Variants in UBE2D2 observed in about 807,000 individuals in gnomAD.
UBE2D2 encodes the protein ubiquitin-conjugating enzyme E2 D2.
UBE2D2 carries 2 observed loss-of-function variants against 24.2 expected under a neutral mutation model. That is an observed-to-expected ratio of 0.08 (90% CI 0.03 to 0.26). The LOEUF (loss-of-function observed/expected upper bound fraction) is 0.26, where lower values mean the gene tolerates loss of function less well. Ranked by LOEUF, UBE2D2 falls within the 10% of genes least tolerant of loss-of-function variation. The pLI is 1.00. For missense variants in UBE2D2, 44 were observed against 177.6 expected (o/e 0.25, Z 4.28); for synonymous variants, 58 against 56.5 (o/e 1.03, Z -0.12).
chr5:139,562,090 A>G, intron 1 of UBE2D2: 2 of 928,470 alleles, frequency 2.2e-6, no homozygotes, highest in Middle Eastern at 3.4e-4. Flanking sequence ...GCTTCTCTCC[A>G]GTCTGGGACT....
chr5:139,527,956 G>A (rs1055179393), intron 1 of UBE2D2, among the ~76,000 whole-genome samples: 6 of 152,180 alleles, frequency 3.9e-5, no homozygotes, highest in African/African-American at 1.4e-4. Flanking sequence ...TCCTCTAGTC[G>A]ACCAGGCGTG....
At chr5:139,611,175 C>CTTTTTTTTTTTTTT (rs60626896) in intron 2 of UBE2D2, among the ~76,000 whole-genome samples, 3 of 58,756 alleles carry the variant, frequency 5.1e-5, no homozygotes, top group African/African-American at 2.0e-4. Flanking sequence ...AGTTTTCCTT[C>CTTTTTTTTTTTTTT]TTTTTTTTTT....
intron 1 of UBE2D2, among the ~76,000 whole-genome samples, chr5:139,571,664 C>A (rs910564151): frequency 6.6e-6 from 1 of 152,080 alleles, no homozygotes; most frequent in Admixed American, 6.6e-5. Context: ...AGCCCTTCTC[C>A]CCTCTAATCT....
At chr5:139,533,492 A>G (rs1249832307) in intron 1 of UBE2D2, among the ~76,000 whole-genome samples, 1 of 151,904 alleles carries the variant, frequency 6.6e-6, no homozygotes, top group Admixed American at 6.6e-5. Flanking sequence ...TCTACTAAAA[A>G]TACAAAAATT....
At chr5:139,583,995 GTT>G (rs1561510916) in intron 1 of UBE2D2, among the ~76,000 whole-genome samples, 1 of 152,032 alleles carries the variant, frequency 6.6e-6, no homozygotes, top group African/African-American at 2.4e-5. Flanking sequence ...AAAATAATAA[GTT>G]TATTATAGCC....
chr5:139,538,899 G>T (rs1482938820), intron 1 of UBE2D2, among the ~76,000 whole-genome samples: 2 of 151,374 alleles, frequency 1.3e-5, no homozygotes, highest in African/African-American at 4.8e-5. Flanking sequence ...TTCATTATAT[G>T]TATATTACTA....
chr5:139,534,577 A>AT (rs1053884899), intron 1 of UBE2D2, among the ~76,000 whole-genome samples: 13 of 151,464 alleles, frequency 8.6e-5, no homozygotes, highest in Non-Finnish European at 1.5e-5. Context: ...GGAAAAAAAA[A>AT]AAAAAAAAAT....
chr5:139,551,812 A>C (rs930642006), intron 1 of UBE2D2, among the ~76,000 whole-genome samples: 1 of 152,214 alleles, frequency 6.6e-6, no homozygotes, highest in African/African-American at 2.4e-5. Context: ...ACTTCCAAAA[A>C]AGTTGTGACT....
At chr5:139,550,176 C>T (rs187880541) in intron 1 of UBE2D2, among the ~76,000 whole-genome samples, 1 of 152,124 alleles carries the variant, frequency 6.6e-6, no homozygotes, top group Admixed American at 6.5e-5. Context: ...TGTAAACACA[C>T]CAGTCAGCAG....
rs1377000841 is a variant in UBE2D2, at chr5:139,584,518, TTTTTC to T, written c.25-15839_25-15835del. 5.4e-4 allele frequency among the ~76,000 whole-genome samples: 77 copies of T among 143,912 alleles called. No individual in the cohort carries two copies. The East Asian group carries it at 1.0e-2, about 19-fold the overall frequency. The allele number at this position is 143,912 out of a possible 152,430, so 94.4% of individuals were successfully genotyped here. A position where few individuals can be genotyped will look rare whatever the true frequency, so the allele number is the denominator to read the frequency against. On this transcript the variant is annotated intron_variant, in intron 1 of 6. Transcript: ENST00000398733. The stretch of plus-strand genomic sequence containing the variant: ...CATTTACCCCAAAACACCTTTTTCT[TTTTTC>T]TTTTCTTTTCTTTTTTTTTTTTTTT...
chr5:139,596,847 C>T (rs1317930292), intron 1 of UBE2D2, among the ~76,000 whole-genome samples: 2 of 151,838 alleles, frequency 1.3e-5, no homozygotes, highest in African/African-American at 4.8e-5. Context: ...GAGATCGAGA[C>T]CATCCTGCTA....
At chr5:139,574,471 A>G (rs1320748962) in intron 1 of UBE2D2, among the ~76,000 whole-genome samples, 1 of 151,750 alleles carries the variant, frequency 6.6e-6, no homozygotes, top group African/African-American at 2.4e-5. Flanking sequence ...TTCTCACCCC[A>G]TCCCCTACCT....
intron 2 of UBE2D2, among the ~76,000 whole-genome samples, chr5:139,608,358 G>C (rs954821541): frequency 1.3e-5 from 2 of 152,092 alleles, no homozygotes; most frequent in Non-Finnish European, 2.9e-5. Flanking sequence ...GCTTGAACCT[G>C]GGAGGCAGAG....
At chr5:139,604,996 G>C (rs1325318023) in intron 2 of UBE2D2, among the ~76,000 whole-genome samples, 1 of 152,074 alleles carries the variant, frequency 6.6e-6, no homozygotes. Context: ...TTGTTATAAG[G>C]AGTCAGAATT....
intron 1 of UBE2D2, among the ~76,000 whole-genome samples, chr5:139,577,014 A>G (rs1376547432): frequency 6.8e-6 from 1 of 147,250 alleles, no homozygotes; most frequent in Non-Finnish European, 1.5e-5. Flanking sequence ...GAATTTTGCA[A>G]ATAGAGAGCC....
upstream of UBE2D2, among the ~76,000 whole-genome samples, chr5:139,560,501 T>C (rs953712192): frequency 1.3e-5 from 2 of 151,900 alleles, no homozygotes; most frequent in Non-Finnish European, 2.9e-5. Context: ...CGGCCTAATT[T>C]TTGTATTTTT....
intron 1 of UBE2D2, among the ~76,000 whole-genome samples, chr5:139,546,817 T>TCTTTCTTTCTTTCTTTCTTCCTTC (rs1203962652): frequency 2.2e-5 from 3 of 138,302 alleles, no homozygotes; most frequent in African/African-American, 5.4e-5. Context: ...CTTCTTTCTT[T>TCTTTCTTTCTTTCTTTCTTCCTTC]CTTCCTTCCT....
At chr5:139,556,274 G>C (rs1752980486), upstream of UBE2D2, among the ~76,000 whole-genome samples, 1 of 151,962 alleles carries the variant, frequency 6.6e-6, no homozygotes, top group African/African-American at 2.4e-5. Flanking sequence ...AGCTGGGCGT[G>C]GTGGTGCATG....
At chr5:139,611,296 C>T (rs1239156455) in intron 2 of UBE2D2, among the ~76,000 whole-genome samples, 2 of 149,844 alleles carry the variant, frequency 1.3e-5, no homozygotes, top group African/African-American at 4.9e-5. Flanking sequence ...AAGTGATTCT[C>T]CTGCCTCAGC....
Sources: gnomAD v4.1 joint callset for allele counts (sites outside exome capture counted in the v4.1 genomes callset) on GRCh38, gnomAD v4.1.1 for gene constraint, MANE v1.5 for transcripts, NCBI Gene and HGNC (gene_info 2026-07-23, HGNC 2026-07-21) for gene names.